ROBO2: variants seen among roughly 807,000 people sequenced by gnomAD.
ROBO2 encodes the protein roundabout guidance receptor 2.
Under a neutral mutation model 160.8 loss-of-function variants are expected in ROBO2, and 53 were observed. The observed-to-expected ratio is 0.33, with a 90% confidence interval of 0.26 to 0.41. ROBO2 has a LOEUF of 0.41. Ranked by LOEUF, ROBO2 falls within the 10% of genes least tolerant of loss-of-function variation. The pLI is 1.00. For missense variants in ROBO2, 1,577 were observed against 1,722.4 expected, an observed-to-expected ratio of 0.92 and a Z score of 1.49; for synonymous variants, 664 against 611.7, an observed-to-expected ratio of 1.09 and a Z score of -1.26.
chr3:77,008,856 G>C (rs1382913644), intron 2 of ROBO2, among the ~76,000 whole-genome samples: 2 of 152,090 alleles, frequency 1.3e-5, no homozygotes, highest in African/African-American at 4.8e-5. Context: ...TTGTTCTTCT[G>C]TTTTGTTCAT....
chr3:77,217,883 C>A lies in ROBO2; in HGVS notation c.388+119543C>A, dbSNP rs1019082288. 2.0e-5 allele frequency among the ~76,000 whole-genome samples: 3 copies of A among 152,178 alleles called. No homozygotes were observed. The East Asian group carries it at 5.8e-4, about 29-fold the overall frequency. Reference sequence around the variant, plus strand: ...TATTTCATAAACAAGGACAAAAGAACCGAAAAAAGTAAATGAAATATTACA... The same window carrying A: ...TATTTCATAAACAAGGACAAAAGAAACGAAAAAAGTAAATGAAATATTACA... On this transcript the variant is annotated intron_variant, in intron 2 of 25. Coordinates refer to ENST00000461745, the Ensembl canonical transcript of ROBO2.
At position 76,019,435 on chromosome 3, in the gene ROBO2, C is replaced by T. The variant is rs191981193; in HGVS notation, c.109+81833C>T. Among the ~76,000 whole-genome samples the T allele has an allele frequency of 1.8e-4, 27 of 148,274 alleles. No homozygotes were observed. In the East Asian group the frequency reaches 3.2e-3, roughly 18 times the overall value. On this transcript the variant is annotated intron_variant, in intron 2 of 26. Coordinates refer to the ROBO2 transcript ENST00000487694. ...TCTAATATTTGCATTATGGCCTCCC[C>T]ACATGCTTTGGTTTTCTCTGAAGTT... is the stretch of plus-strand genomic sequence containing the variant.
chr3:77,439,716 C>A (rs1352594704), intron 2 of ROBO2, among the ~76,000 whole-genome samples: 1 of 152,240 alleles, frequency 6.6e-6, no homozygotes, highest in African/African-American at 2.4e-5. Flanking sequence ...TTGACAGTCC[C>A]ATGTCCTTCA....
At chr3:77,110,787 A>G (rs529116204) in intron 2 of ROBO2, among the ~76,000 whole-genome samples, 83 of 151,940 alleles carry the variant, frequency 5.5e-4, no homozygotes, top group African/African-American at 1.9e-3. Flanking sequence ...TTGACTTCCC[A>G]GACTCAAGTG....
intron 2 of ROBO2, among the ~76,000 whole-genome samples, chr3:76,955,922 T>G (rs997329566): frequency 2.0e-4 from 30 of 151,706 alleles, no homozygotes; most frequent in African/African-American, 7.2e-4. Context: ...AGAAACACAT[T>G]TACTTCCATC....
intron 2 of ROBO2, among the ~76,000 whole-genome samples, chr3:76,655,124 T>C (rs1246657153): frequency 2.0e-5 from 3 of 150,554 alleles, no homozygotes; most frequent in African/African-American, 7.3e-5. Flanking sequence ...TGAACATTCC[T>C]GATGCATATG....
chr3:76,673,846 T>C (rs987680139), intron 2 of ROBO2, among the ~76,000 whole-genome samples: 2 of 152,170 alleles, frequency 1.3e-5, no homozygotes, highest in Non-Finnish European at 2.9e-5. Context: ...ACTTAATTTT[T>C]TCATTGATAA....
chr3:76,855,916 T>C (rs2070015843), intron 2 of ROBO2, among the ~76,000 whole-genome samples: 1 of 152,140 alleles, frequency 6.6e-6, no homozygotes, highest in Admixed American at 6.5e-5. Context: ...TTGAAAGCAG[T>C]ATATCTTTGT....
At chr3:76,824,528 C>G (rs1397489608) in intron 2 of ROBO2, among the ~76,000 whole-genome samples, 2 of 152,172 alleles carry the variant, frequency 1.3e-5, no homozygotes, top group African/African-American at 4.8e-5. Flanking sequence ...TTACTTTCAG[C>G]TACCCCATAT....
intron 2 of ROBO2, among the ~76,000 whole-genome samples, chr3:77,156,794 A>C (rs542594153): frequency 6.6e-6 from 1 of 150,834 alleles, no homozygotes; most frequent in Non-Finnish European, 1.5e-5. Context: ...ATTCATTAGA[A>C]TATTCATTAG....
chr3:75,907,877 G>GTGTT (rs2106694916), intron 1 of ROBO2, among the ~76,000 whole-genome samples: 1 of 151,556 alleles, frequency 6.6e-6, no homozygotes, highest in East Asian at 1.9e-4. Context: ...GTGTGTGTGT[G>GTGTT]TGTGTATCAG....
chr3:76,446,341 A>G (rs994814611), intron 2 of ROBO2, among the ~76,000 whole-genome samples: 11 of 152,324 alleles, frequency 7.2e-5, no homozygotes, highest in African/African-American at 2.6e-4. Context: ...AAGGGATATG[A>G]AGGACCTCTT....
chr3:76,073,443 C>T (rs961677904), intron 2 of ROBO2, among the ~76,000 whole-genome samples: 2 of 151,148 alleles, frequency 1.3e-5, no homozygotes, highest in African/African-American at 2.4e-5. Context: ...CAGGCGCCGC[C>T]CCCACGCCCG....
chr3:75,939,195 A>G (rs1372207132), intron 2 of ROBO2, among the ~76,000 whole-genome samples: 2 of 152,150 alleles, frequency 1.3e-5, no homozygotes, highest in Non-Finnish European at 2.9e-5. Context: ...TAGAATTACT[A>G]AAATGCAGCA....
intron 2 of ROBO2, among the ~76,000 whole-genome samples, chr3:75,971,063 T>A (rs1215706426): frequency 6.6e-6 from 1 of 151,306 alleles, no homozygotes; most frequent in African/African-American, 2.4e-5. Context: ...AAAAAAAAAT[T>A]TACTTTTTTT....
intron 2 of ROBO2, among the ~76,000 whole-genome samples, chr3:76,446,400 C>G (rs555928996): frequency 7.9e-4 from 121 of 152,234 alleles, no homozygotes; most frequent in Admixed American, 2.3e-3. Flanking sequence ...AGGACACAAA[C>G]AAGTGGAAGA....
chr3:77,178,219 C>T (rs2080346326), intron 2 of ROBO2, among the ~76,000 whole-genome samples: 1 of 152,024 alleles, frequency 6.6e-6, no homozygotes, highest in African/African-American at 2.4e-5. Flanking sequence ...CAATGTGTTG[C>T]ATACTATTTC....
chr3:76,138,676 A>T (rs2071519591), intron 2 of ROBO2, among the ~76,000 whole-genome samples: 1 of 152,126 alleles, frequency 6.6e-6, no homozygotes, highest in African/African-American at 2.4e-5. Flanking sequence ...TATGCTATAT[A>T]GTATCTACTA....
In ROBO2 at chr3:76,541,280, C is replaced by G. The variant is rs568934411; in HGVS notation, c.110-556734C>G. ...TCTTCAAAGGGGTTAACATCTAATACTCTTTACATTGGTTTCTCTTTGGTA... is the reference window on the plus strand; with the variant it reads ...TCTTCAAAGGGGTTAACATCTAATAGTCTTTACATTGGTTTCTCTTTGGTA... On this transcript the variant is annotated intron_variant, in intron 2 of 26. Coordinates refer to the ROBO2 transcript ENST00000487694. Among the ~76,000 whole-genome samples the G allele has an allele frequency of 3.7e-4, 56 of 152,256 alleles. No individual in the cohort carries two copies. The South Asian group carries it at 0.011, about 30-fold the overall frequency.
Sources: gnomAD v4.1 joint callset for allele counts (sites outside exome capture counted in the v4.1 genomes callset) on GRCh38, gnomAD v4.1.1 for gene constraint, MANE v1.5 for transcripts, NCBI Gene and HGNC (gene_info 2026-07-23, HGNC 2026-07-21) for gene names.